The following CCDC171 variants were observed in gnomAD, a reference collection of about 807,000 sequenced individuals.
The protein encoded by CCDC171 is coiled-coil domain-containing protein 171.
CCDC171 carries 177 observed loss-of-function variants against 168.2 expected under a neutral mutation model. The ratio of observed to expected loss-of-function variants is 1.05; its 90% CI spans 0.93 to 1.19. The LOEUF (loss-of-function observed/expected upper bound fraction) is 1.19. CCDC171 is among the 50% of genes most tolerant of loss of function. The pLI is 0.00. For missense variants in CCDC171, 1,991 were observed against 1,539.0 expected, an observed-to-expected ratio of 1.29 and a Z score of -4.91; for synonymous variants, 687 against 540.8, an observed-to-expected ratio of 1.27 and a Z score of -3.75.
At chr9:15,748,324 G>C (rs1461569151) in intron 18 of CCDC171, among the ~76,000 whole-genome samples, 1 of 152,192 alleles carries the variant, frequency 6.6e-6, no homozygotes, top group East Asian at 1.9e-4. Flanking sequence ...GGGATTATGT[G>C]AAAAGACCAA....
At chr9:15,835,761 A>G (rs9407659) in intron 21 of CCDC171, among the ~76,000 whole-genome samples, 58,431 of 152,018 alleles carry the variant, frequency 0.38, 11,638 homozygotes, top group Non-Finnish European at 0.44. Context: ...AAGTTTATAC[A>G]TATTATATTG....
At chr9:15,606,852 A>T (rs1033976368) in intron 6 of CCDC171, among the ~76,000 whole-genome samples, 2 of 152,184 alleles carry the variant, frequency 1.3e-5, no homozygotes, top group African/African-American at 4.8e-5. Context: ...CCTCTAGTGG[A>T]AAAAAGAAGA....
intron 18 of CCDC171, among the ~76,000 whole-genome samples, chr9:15,749,914 A>G (rs1276477898): frequency 6.6e-6 from 1 of 152,188 alleles, no homozygotes; most frequent in Non-Finnish European, 1.5e-5. Flanking sequence ...TAAAAGAACT[A>G]GAGAAGCAAG....
At chr9:16,068,198 C>A in the CCDC171 span, among the ~76,000 whole-genome samples, 1 of 149,112 alleles carries the variant, frequency 6.7e-6, no homozygotes, top group Non-Finnish European at 1.5e-5. Context: ...GAGTGAACTC[C>A]CATTCACAAT....
intron 3 of CCDC171, among the ~76,000 whole-genome samples, chr9:15,999,705 A>G (rs915521455): frequency 6.6e-6 from 1 of 152,122 alleles, no homozygotes; most frequent in Non-Finnish European, 1.5e-5. Flanking sequence ...TCATGCAGCC[A>G]TGCTCAATTC....
At chr9:16,029,350 C>G (rs999108016) in intron 6 of CCDC171, among the ~76,000 whole-genome samples, 6 of 152,222 alleles carry the variant, frequency 3.9e-5, no homozygotes, top group African/African-American at 1.4e-4. Context: ...GATGTTCCCT[C>G]CTGGTTGAGT....
chr9:15,903,819 A>T (rs1010279717), intron 24 of CCDC171, among the ~76,000 whole-genome samples: 3 of 152,210 alleles, frequency 2.0e-5, no homozygotes, highest in Non-Finnish European at 4.4e-5. Flanking sequence ...ACCAATGCAG[A>T]GGAGTCCTTA....
intron 7 of CCDC171, among the ~76,000 whole-genome samples, chr9:15,639,783 A>G (rs1199309669): frequency 6.6e-6 from 1 of 152,180 alleles, no homozygotes; most frequent in East Asian, 1.9e-4. Flanking sequence ...GCTATGCTTT[A>G]TATGAGCCTG....
chr9:16,077,861 G>C, the CCDC171 span, among the ~76,000 whole-genome samples: 2 of 152,172 alleles, frequency 1.3e-5, no homozygotes, highest in Admixed American at 6.5e-5. Context: ...CTAAGAAGTG[G>C]AGCTGGTTTC....
intron 21 of CCDC171, among the ~76,000 whole-genome samples, chr9:15,845,877 C>A (rs1439756764): frequency 3.3e-5 from 5 of 152,178 alleles, no homozygotes; most frequent in Non-Finnish European, 2.9e-5. Context: ...GAAAATACTT[C>A]TCTCAATTGT....
At chr9:15,638,342 C>G (rs541016326) in intron 7 of CCDC171, among the ~76,000 whole-genome samples, 16 of 152,118 alleles carry the variant, frequency 1.1e-4, no homozygotes, top group South Asian at 6.2e-4. Flanking sequence ...ACATAATGAA[C>G]AAGAAGTTAA....
chr9:15,623,453 A>T, intron 7 of CCDC171, 40 bp downstream of exon 7: 1 of 1,134,750 alleles, frequency 8.8e-7, no homozygotes, highest in East Asian at 4.5e-5. Context: ...ATGCGTACAA[A>T]CTTTCACATA....
rs1369633432 is a variant in CCDC171 at position 16,003,740 on chromosome 9, A to T, written n.369-16849A>T. On this transcript the variant is annotated intron_variant and non_coding_transcript_variant, in intron 3 of 9. Coordinates refer to the CCDC171 transcript ENST00000486641. ...AAATAGAGTTACAGGCTTAGATAAA[A>T]TCCAAGTTTTCACCCTTGACCATTA... is the stretch of plus-strand genomic sequence containing the variant. Among the ~76,000 whole-genome samples, 6 of 152,220 alleles carry T rather than the reference A, an allele frequency of 3.9e-5. No individual in the cohort carries two copies. The East Asian group carries it at 1.2e-3, about 29-fold the overall frequency.
In CCDC171 at chr9:15,909,498, C is replaced by T. The variant is rs560802157; in HGVS notation, c.3601-10772C>T. On this transcript the variant is annotated intron_variant, in intron 24 of 25. Transcript: ENST00000380701. ...TCCTGATATAGTCCTTCTTACACAA[C>T]TTTTTACTGGAATGGAATGTCCTGG... Among the ~76,000 whole-genome samples, 4 of 152,174 alleles carry T rather than the reference C, an allele frequency of 2.6e-5. No individual in the cohort carries two copies. The South Asian group carries it at 6.2e-4, about 24-fold the overall frequency.
chr9:16,000,065 T>G (rs1329240295), intron 3 of CCDC171, among the ~76,000 whole-genome samples: 1 of 152,196 alleles, frequency 6.6e-6, no homozygotes, highest in Non-Finnish European at 1.5e-5. Flanking sequence ...CCTGCAAGAC[T>G]TTAAAGAAGC....
rs543290804 is a variant in CCDC171, at chr9:15,814,627, A to T, written c.3267+29933A>T. ...CTTTTTTTTCTGAGAAAAGTTAGATATCTTACATTGTTATAACTTACAATT... is the reference window on the plus strand; with the variant it reads ...CTTTTTTTTCTGAGAAAAGTTAGATTTCTTACATTGTTATAACTTACAATT... On this transcript the variant is annotated intron_variant, in intron 21 of 25. Transcript: ENST00000380701. Among the ~76,000 whole-genome samples the T allele has an allele frequency of 1.5e-4, 18 of 121,628 alleles. No homozygotes were observed. In the East Asian group the frequency reaches 3.8e-3, roughly 25 times the overall value. 79.8% of individuals were successfully genotyped at this position (121,628 alleles called of 152,430 possible).
chr9:15,768,719 C>G (rs2056861232), intron 18 of CCDC171, among the ~76,000 whole-genome samples: 1 of 152,002 alleles, frequency 6.6e-6, no homozygotes, highest in African/African-American at 2.4e-5. Flanking sequence ...ATAATGGGGT[C>G]ATTCTATAGA....
chr9:15,817,720 C>T (rs1355034887), intron 21 of CCDC171, among the ~76,000 whole-genome samples: 1 of 118,786 alleles, frequency 8.4e-6, no homozygotes. Flanking sequence ...GTGGAGCCCA[C>T]CACAGCTCAA....
intron 24 of CCDC171, among the ~76,000 whole-genome samples, chr9:15,903,624 C>T (rs953327419): frequency 3.9e-5 from 6 of 152,216 alleles, no homozygotes; most frequent in African/African-American, 1.4e-4. Flanking sequence ...GAGTGCCTCT[C>T]CTCCTCCAAA....
Sources: gnomAD v4.1 joint callset for allele counts (sites outside exome capture counted in the v4.1 genomes callset) on GRCh38, gnomAD v4.1.1 for gene constraint, MANE v1.5 for transcripts, NCBI Gene and HGNC (gene_info 2026-07-23, HGNC 2026-07-21) for gene names.